Variants in EPHA5 observed in about 807,000 individuals in gnomAD.
EPHA5 encodes ephrin type-A receptor 5.
A neutral mutation model predicts 105.0 loss-of-function variants in EPHA5; 60 were observed. The ratio of observed to expected loss-of-function variants is 0.57; its 90% CI spans 0.46 to 0.71. EPHA5 has a LOEUF of 0.71. Among genes scored for constraint, EPHA5 ranks in the 30% least tolerant of loss-of-function variants. The pLI, the probability that EPHA5 is intolerant of heterozygous loss-of-function variation, is 0.00. For missense variants in EPHA5, 1,218 were observed against 1,274.7 expected (o/e 0.96, Z 0.68); for synonymous variants, 513 against 449.1 (o/e 1.14, Z -1.80).
At chr4:65,354,191 G>T (rs1340738162) in intron 11 of EPHA5, among the ~76,000 whole-genome samples, 1 of 151,752 alleles carries the variant, frequency 6.6e-6, no homozygotes, top group African/African-American at 2.4e-5. Context: ...CTATTACTCA[G>T]AATTTGCTAT....
chr4:65,551,981 A>G (rs1737964788), intron 3 of EPHA5, among the ~76,000 whole-genome samples: 1 of 152,162 alleles, frequency 6.6e-6, no homozygotes, highest in Non-Finnish European at 1.5e-5. Context: ...GAAAATACAA[A>G]ACACTGTAAA....
intron 1 of EPHA5, among the ~76,000 whole-genome samples, chr4:65,656,131 T>TAA (rs34038643): frequency 5.7e-4 from 63 of 109,568 alleles, no homozygotes; most frequent in Middle Eastern, 4.9e-3. Flanking sequence ...TGCTGCTGCT[T>TAA]AAAAAAAAAA....
At chr4:65,636,011 T>C (rs963309833) in intron 2 of EPHA5, among the ~76,000 whole-genome samples, 18 of 152,134 alleles carry the variant, frequency 1.2e-4, no homozygotes, top group African/African-American at 4.1e-4. Context: ...CTGAGATTAG[T>C]GTATTTCTAT....
intron 5 of EPHA5, among the ~76,000 whole-genome samples, chr4:65,443,907 G>C (rs1275183382): frequency 6.8e-6 from 1 of 148,082 alleles, no homozygotes; most frequent in African/African-American, 2.5e-5. Context: ...TTGTGTGCCT[G>C]TGTGTGTGTG....
chr4:65,504,711 G>A (rs988581566), intron 3 of EPHA5, among the ~76,000 whole-genome samples: 3 of 151,708 alleles, frequency 2.0e-5, no homozygotes, highest in East Asian at 1.9e-4. Flanking sequence ...GCAGACTATC[G>A]TAAATCACAA....
rs540631663 is a variant in EPHA5, at chr4:65,534,721, T to G, written c.911-39178A>C. Reference sequence around the variant, plus strand: ...AAGTTGACTCAGGCCGGGAGAAGTATGGATCTCATTATGTTTCTATTACAG... The same window carrying G: ...AAGTTGACTCAGGCCGGGAGAAGTAGGGATCTCATTATGTTTCTATTACAG... On this transcript the variant is annotated intron_variant, in intron 3 of 16. Transcript: ENST00000613740. Among the ~76,000 whole-genome samples, 24 of 152,316 alleles carry G rather than the reference T, an allele frequency of 1.6e-4. 1 individual carries two copies. In the South Asian group the frequency reaches 2.7e-3, roughly 17 times the overall value.
chr4:65,656,344 T>C (rs1389601675), intron 1 of EPHA5, among the ~76,000 whole-genome samples: 2 of 151,514 alleles, frequency 1.3e-5, no homozygotes, highest in Admixed American at 1.3e-4. Context: ...TGACAGGTTT[T>C]CTACCAGGAA....
intron 3 of EPHA5, chr4:65,573,438 A>G: frequency 9.6e-7 from 1 of 1,041,674 alleles, no homozygotes; most frequent in Non-Finnish European, 1.3e-6. Context: ...AAAAAAAAGA[A>G]GCTCTTTCCC....
chr4:65,534,358 A>T (rs570632133), intron 3 of EPHA5, among the ~76,000 whole-genome samples: 1 of 152,328 alleles, frequency 6.6e-6, no homozygotes, highest in East Asian at 1.9e-4. Flanking sequence ...GTTTACACAA[A>T]TAAATTAAGA....
intron 3 of EPHA5, among the ~76,000 whole-genome samples, chr4:65,514,112 A>G (rs904065066): frequency 5.9e-5 from 9 of 152,078 alleles, no homozygotes; most frequent in Admixed American, 5.2e-4. Context: ...GTTCTCTCCC[A>G]TGCTTGCTAT....
intron 5 of EPHA5, among the ~76,000 whole-genome samples, chr4:65,456,721 T>TACACACAC (rs71604535): frequency 0.25 from 31,257 of 123,910 alleles, 3,977 homozygotes; most frequent in Middle Eastern, 0.37. Flanking sequence ...AAAATAAACA[T>TACACACAC]ATACACACAC....
chr4:65,640,287 T>TTTC (rs1553959382), intron 2 of EPHA5, among the ~76,000 whole-genome samples: 9 of 137,248 alleles, frequency 6.6e-5, no homozygotes, highest in African/African-American at 2.1e-4. Flanking sequence ...TTTTTCTTTT[T>TTTC]TTTTTTTTTT....
At chr4:65,433,948 G>T (rs531056138) in intron 5 of EPHA5, among the ~76,000 whole-genome samples, 1 of 152,050 alleles carries the variant, frequency 6.6e-6, no homozygotes, top group African/African-American at 2.4e-5. Flanking sequence ...TACTCTACTC[G>T]GGAGGCTGAT....
chr4:65,539,132 AG>A (rs1386526182), intron 3 of EPHA5, among the ~76,000 whole-genome samples: 25 of 151,758 alleles, frequency 1.6e-4, no homozygotes, highest in African/African-American at 6.0e-4. Flanking sequence ...AGCCAACTGT[AG>A]GTGGAGAGGC....
At chr4:65,390,201 T>C (rs964159725) in intron 8 of EPHA5, among the ~76,000 whole-genome samples, 3 of 152,074 alleles carry the variant, frequency 2.0e-5, no homozygotes, top group Non-Finnish European at 4.4e-5. Flanking sequence ...GTATTTGAGA[T>C]GCAAACTAAC....
intron 5 of EPHA5, among the ~76,000 whole-genome samples, chr4:65,444,528 C>A (rs1324365695): frequency 6.6e-6 from 1 of 151,950 alleles, no homozygotes; most frequent in Non-Finnish European, 1.5e-5. Context: ...CTGGTTTTTC[C>A]AACTGAGAGA....
intron 2 of EPHA5, among the ~76,000 whole-genome samples, chr4:65,633,061 G>A (rs1004982424): frequency 6.6e-6 from 1 of 151,964 alleles, no homozygotes; most frequent in Admixed American, 6.6e-5. Context: ...AAAATTTCAG[G>A]TTGAGCAGTT....
chr4:65,654,636 T>A (rs1307556177), intron 1 of EPHA5, among the ~76,000 whole-genome samples: 1 of 149,868 alleles, frequency 6.7e-6, no homozygotes, highest in Non-Finnish European at 1.5e-5. Context: ...TAAGTTAACA[T>A]TTAGCATTTA....
intron 3 of EPHA5, among the ~76,000 whole-genome samples, chr4:65,503,731 A>G (rs190793945): frequency 6.6e-6 from 1 of 151,958 alleles, no homozygotes; most frequent in Admixed American, 6.6e-5. Flanking sequence ...ATATACAAAT[A>G]TAATTAAGAC....
Sources: allele counts gnomAD v4.1 joint callset (sites outside exome capture counted in the v4.1 genomes callset), GRCh38; gene constraint gnomAD v4.1.1; transcripts MANE v1.5; gene names NCBI Gene and HGNC (gene_info 2026-07-23, HGNC 2026-07-21).